Variants in GPC5 observed in about 807,000 individuals in gnomAD.
The protein encoded by GPC5 is glypican-5.
Under a neutral mutation model 53.9 loss-of-function variants are expected in GPC5, and 47 were observed. That is an observed-to-expected ratio of 0.87 (90% CI 0.69 to 1.11). The LOEUF is 1.11. Ranked by LOEUF, GPC5 falls within the 50% of genes most tolerant of loss-of-function variation. The probability of loss-of-function intolerance (pLI) is 0.00; values close to 1 mark genes in which losing one functional copy is unlikely to be tolerated. For missense variants in GPC5, 748 were observed against 713.1 expected, an observed-to-expected ratio of 1.05 and a Z score of -0.56; for synonymous variants, 286 against 263.3, an observed-to-expected ratio of 1.09 and a Z score of -0.84.
intron 7 of GPC5, among the ~76,000 whole-genome samples, chr13:92,807,675 G>T (rs1038893551): frequency 6.6e-6 from 1 of 152,016 alleles, no homozygotes; most frequent in Non-Finnish European, 1.5e-5. Flanking sequence ...GAACATTTTT[G>T]ATCTTTAGGT....
At chr13:91,474,524 TGA>T in intron 2 of GPC5, among the ~76,000 whole-genome samples, 1 of 152,184 alleles carries the variant, frequency 6.6e-6, no homozygotes, top group Admixed American at 6.5e-5. Context: ...CATCTACCTT[TGA>T]GAGTCTGATA....
At chr13:91,478,223 G>A (rs1883045042) in intron 2 of GPC5, among the ~76,000 whole-genome samples, 3 of 151,868 alleles carry the variant, frequency 2.0e-5, no homozygotes, top group African/African-American at 4.8e-5. Flanking sequence ...ATTAAATAAG[G>A]GAATCAATCT....
intron 2 of GPC5, among the ~76,000 whole-genome samples, chr13:91,602,425 T>C (rs545688589): frequency 6.6e-6 from 1 of 152,350 alleles, no homozygotes; most frequent in East Asian, 1.9e-4. Context: ...TAATGGAATT[T>C]AATTAACTTC....
intron 7 of GPC5, among the ~76,000 whole-genome samples, chr13:92,242,867 A>T (rs1297488679): frequency 6.6e-6 from 1 of 152,188 alleles, no homozygotes; most frequent in Non-Finnish European, 1.5e-5. Context: ...AACAATCTGT[A>T]AGAAAGAAAT....
intron 7 of GPC5, among the ~76,000 whole-genome samples, chr13:92,211,162 G>A (rs773047525): frequency 4.6e-5 from 7 of 152,112 alleles, no homozygotes; most frequent in Non-Finnish European, 1.0e-4. Flanking sequence ...CTTGAAAATG[G>A]CTAATTCTTG....
At chr13:92,462,183 T>C (rs898872773) in intron 7 of GPC5, among the ~76,000 whole-genome samples, 3 of 152,142 alleles carry the variant, frequency 2.0e-5, no homozygotes, top group East Asian at 1.9e-4. Context: ...TGTGATCTGA[T>C]TGACATTTTC....
At chr13:92,147,151 T>TA (rs1377380710) in intron 7 of GPC5, among the ~76,000 whole-genome samples, 2 of 151,358 alleles carry the variant, frequency 1.3e-5, no homozygotes, top group Non-Finnish European at 2.9e-5. Context: ...AATTATAATT[T>TA]ATGTGAGGTG....
chr13:91,590,488 G>A (rs2032757451), intron 2 of GPC5, among the ~76,000 whole-genome samples: 1 of 151,996 alleles, frequency 6.6e-6, no homozygotes, highest in Non-Finnish European at 1.5e-5. Context: ...GTTTGTTTAT[G>A]TTCCAGCTAT....
At chr13:92,637,058 C>T (rs1306480106) in intron 7 of GPC5, among the ~76,000 whole-genome samples, 3 of 152,048 alleles carry the variant, frequency 2.0e-5, no homozygotes. Flanking sequence ...AATCCATGAC[C>T]ACCTCCCCAC....
intron 7 of GPC5, among the ~76,000 whole-genome samples, chr13:92,363,634 C>T (rs1348789751): frequency 2.0e-5 from 3 of 151,632 alleles, no homozygotes; most frequent in African/African-American, 7.3e-5. Context: ...CAGTCCAGGG[C>T]CTGGGGGTTT....
intron 7 of GPC5, among the ~76,000 whole-genome samples, chr13:92,647,812 T>A (rs1885823740): frequency 6.6e-6 from 1 of 152,096 alleles, no homozygotes; most frequent in Non-Finnish European, 1.5e-5. Flanking sequence ...GTAGAATATA[T>A]GATAGAATAT....
At chr13:91,962,936 G>GT (rs1048427689) in intron 6 of GPC5, among the ~76,000 whole-genome samples, 2 of 152,104 alleles carry the variant, frequency 1.3e-5, no homozygotes, top group Non-Finnish European at 2.9e-5. Context: ...CCAGAAGGCA[G>GT]TACCTATGTT....
At chr13:91,710,893 G>A (rs1481525313) in intron 3 of GPC5, among the ~76,000 whole-genome samples, 2 of 152,208 alleles carry the variant, frequency 1.3e-5, no homozygotes, top group Non-Finnish European at 2.9e-5. Flanking sequence ...TTCAGGGAAA[G>A]CCTACACACA....
At chr13:91,582,569 A>G (rs2032406147) in intron 2 of GPC5, among the ~76,000 whole-genome samples, 1 of 152,192 alleles carries the variant, frequency 6.6e-6, no homozygotes, top group African/African-American at 2.4e-5. Flanking sequence ...TTTTTTTAGG[A>G]TATGGAAACA....
At chr13:91,630,395 CG>C (rs925905285) in intron 2 of GPC5, among the ~76,000 whole-genome samples, 1 of 152,044 alleles carries the variant, frequency 6.6e-6, no homozygotes, top group Non-Finnish European at 1.5e-5. Flanking sequence ...TAAATAATAC[CG>C]TCTTATTTTT....
chr13:91,813,778 A>T (rs578054511), intron 5 of GPC5, among the ~76,000 whole-genome samples: 1 of 152,306 alleles, frequency 6.6e-6, no homozygotes, highest in Non-Finnish European at 1.5e-5. Context: ...AAAAACAAAT[A>T]AATAAGAAAA....
intron 7 of GPC5, among the ~76,000 whole-genome samples, chr13:92,733,413 C>A (rs1888858709): frequency 6.6e-6 from 1 of 151,504 alleles, no homozygotes; most frequent in African/African-American, 2.4e-5. Flanking sequence ...TCACTGGTAC[C>A]AATAGGCAGG....
intron 7 of GPC5, among the ~76,000 whole-genome samples, chr13:92,544,350 A>AT (rs1345291466): frequency 2.0e-5 from 3 of 152,120 alleles, no homozygotes; most frequent in Non-Finnish European, 2.9e-5. Context: ...TTTTCTTAAC[A>AT]TTTTTGTAGC....
chr13:91,631,629 A>G (rs889934032), intron 2 of GPC5, among the ~76,000 whole-genome samples: 80 of 152,084 alleles, frequency 5.3e-4, no homozygotes, highest in African/African-American at 1.8e-3. Flanking sequence ...GGCAACGCTC[A>G]AAGGGAGGCT....
Sources: allele counts gnomAD v4.1 joint callset (sites outside exome capture counted in the v4.1 genomes callset), GRCh38; gene constraint gnomAD v4.1.1; transcripts MANE v1.5; gene names NCBI Gene and HGNC (gene_info 2026-07-23, HGNC 2026-07-21).